C10orf143: variants seen among roughly 807,000 people sequenced by gnomAD.
The protein encoded by C10orf143 is uncharacterized protein C10orf143.
downstream of C10orf143, among the ~76,000 whole-genome samples, chr10:130,062,028 G>A (rs936056077): frequency 7.9e-5 from 12 of 152,188 alleles, no homozygotes; most frequent in Non-Finnish European, 1.3e-4. Context: ...ACAAGGCCAC[G>A]GGCAGGACCT....
At chr10:130,105,219 C>A (rs772335080) in intron 1 of C10orf143, among the ~76,000 whole-genome samples, 1 of 152,192 alleles carries the variant, frequency 6.6e-6, no homozygotes, top group Non-Finnish European at 1.5e-5. Context: ...TGAGCCACTG[C>A]GCCCGGCCTG....
intron 1 of C10orf143, among the ~76,000 whole-genome samples, chr10:130,102,257 A>C (rs1312252082): frequency 6.8e-6 from 1 of 147,338 alleles, no homozygotes. Context: ...AATTCCAAGT[A>C]AGTCAGGCGG....
At chr10:130,108,452 T>C (rs1221638905) in intron 1 of C10orf143, 1 of 794,048 alleles carries the variant, frequency 1.3e-6, no homozygotes, top group East Asian at 2.4e-5. Flanking sequence ...GCAAGATACC[T>C]GGCAATATTT....
At chr10:130,079,967 T>C (rs1861180482) in intron 1 of C10orf143, 66 bp from the exon 2 acceptor site, 1 of 398,292 alleles carries the variant, frequency 2.5e-6, no homozygotes, top group African/African-American at 2.1e-5. Flanking sequence ...TTGAATTTGC[T>C]TTCAGAAAAC....
At chr10:130,076,212 G>A (rs1299899572) in intron 3 of C10orf143, among the ~76,000 whole-genome samples, 4 of 152,146 alleles carry the variant, frequency 2.6e-5, no homozygotes, top group Non-Finnish European at 5.9e-5. Context: ...GGAGGAGGAG[G>A]TGGACCTCGC....
intron 3 of C10orf143, among the ~76,000 whole-genome samples, chr10:130,049,150 C>T (rs1256858978): frequency 6.6e-6 from 1 of 152,232 alleles, no homozygotes; most frequent in Non-Finnish European, 1.5e-5. Flanking sequence ...TGCCAGCCCA[C>T]TGCCCGGGCT....
At position 130,087,797 on chromosome 10, in the gene C10orf143, A is replaced by G. The variant is rs76709136; in HGVS notation, c.70-7896T>C. Among the ~76,000 whole-genome samples, 651 of 152,348 alleles carry G rather than the reference A, an allele frequency of 4.3e-3. 4 individuals are homozygous for G. Among genetic ancestry groups the G allele is most frequent in the African/African-American group, 0.015 (624 of 41,584 alleles). ...CCCAAAGCCCCTAGAAACACACAGCAGAGCCAGAGAACACGGAGCAGGGTG... is the reference window on the plus strand; with the variant it reads ...CCCAAAGCCCCTAGAAACACACAGCGGAGCCAGAGAACACGGAGCAGGGTG... On this transcript the variant is annotated intron_variant, in intron 1 of 3. Transcript: ENST00000637128.
Position 130,110,216 on chromosome 10 carries a change from G to GTC in C10orf143, c.69+487_69+488insGA, listed in dbSNP as rs1325448968. On this transcript the variant is annotated intron_variant, in intron 1 of 3. Transcript: ENST00000637128. Reference sequence around the variant, plus strand: ...TCAGTTAATGGACTCAGCCCAAGAAGCACTAACACGCTCAATGCCGGGTAA... The same window carrying GTC: ...TCAGTTAATGGACTCAGCCCAAGAAGTCCACTAACACGCTCAATGCCGGGTAA... Among the ~76,000 whole-genome samples the GTC allele has an allele frequency of 4.6e-5, 7 of 152,298 alleles. No individual in the cohort carries two copies. In the South Asian group the frequency reaches 1.2e-3, roughly 27 times the overall value.
intron 3 of C10orf143, among the ~76,000 whole-genome samples, chr10:130,069,088 A>C (rs1314709947): frequency 6.6e-6 from 1 of 152,228 alleles, no homozygotes; most frequent in Non-Finnish European, 1.5e-5. Context: ...AAAGGGATCC[A>C]CACCTAAACA....
At chr10:130,080,050 T>C (rs1259429701) in intron 1 of C10orf143, 149 bp from the exon 2 acceptor site, 7 of 397,342 alleles carry the variant, frequency 1.8e-5, no homozygotes, top group Non-Finnish European at 2.7e-5. Context: ...CTTTAAACTT[T>C]ATCTTTTCAG....
chr10:130,097,573 C>A (rs1205804770), intron 1 of C10orf143, among the ~76,000 whole-genome samples: 3 of 152,126 alleles, frequency 2.0e-5, no homozygotes, highest in Non-Finnish European at 2.9e-5. Context: ...CCATAGAAAC[C>A]AGCAATTCCA....
intron 1 of C10orf143, among the ~76,000 whole-genome samples, chr10:130,083,421 C>T (rs187743126): frequency 1.3e-3 from 196 of 152,274 alleles, no homozygotes; most frequent in Non-Finnish European, 2.1e-3. Flanking sequence ...AAAACATACA[C>T]CTCCAACGAT....
intron 1 of C10orf143, chr10:130,106,931 G>A: frequency 1.0e-6 from 1 of 1,002,204 alleles, no homozygotes; most frequent in Non-Finnish European, 1.6e-6. Context: ...AGTGAACAGT[G>A]AATCAGAAGA....
intron 1 of C10orf143, among the ~76,000 whole-genome samples, chr10:130,109,402 G>T (rs1861720865): frequency 6.6e-6 from 1 of 151,998 alleles, no homozygotes; most frequent in Admixed American, 6.6e-5. Context: ...CCTGATCTGG[G>T]TACCACCAGC....
In C10orf143 at chr10:130,108,007, T is replaced by C. The variant is rs779709471; in HGVS notation, c.69+2697A>G. Reference sequence around the variant, plus strand: ...TGGATAAAATGGATGGGTCAATGCCTTCAGAAATGGAATCCAGTAGAAATG... The same window carrying C: ...TGGATAAAATGGATGGGTCAATGCCCTCAGAAATGGAATCCAGTAGAAATG... On this transcript the variant is annotated intron_variant, in intron 1 of 3. Transcript: ENST00000637128. 29 of 1,526,294 alleles carry C rather than the reference T, an allele frequency of 1.9e-5. No individual in the cohort carries two copies. The African/African-American group carries it at 3.5e-4, about 19-fold the overall frequency. 94.5% of individuals were successfully genotyped at this position (1,526,294 alleles called of 1,614,324 possible). A position where few individuals can be genotyped will look rare whatever the true frequency, so the allele number is the denominator to read the frequency against.
rs148747114 is a variant in C10orf143 at position 130,098,770 on chromosome 10, T to C, written c.69+11934A>G. Among the ~76,000 whole-genome samples the C allele has an allele frequency of 3.5e-3, 535 of 152,164 alleles. 4 individuals carry two copies. Among genetic ancestry groups the C allele is most frequent in the African/African-American group, 0.012 (508 of 41,498 alleles). ...AACCTCATTGTGACTTTCTGTGTCATATATAAAGAAACCTGCCAAAAATCA... is the reference window on the plus strand; with the variant it reads ...AACCTCATTGTGACTTTCTGTGTCACATATAAAGAAACCTGCCAAAAATCA... On this transcript the variant is annotated intron_variant, in intron 1 of 3. Transcript: ENST00000637128.
At chr10:130,081,336 C>T (rs773490505) in intron 1 of C10orf143, among the ~76,000 whole-genome samples, 1 of 151,994 alleles carries the variant, frequency 6.6e-6, no homozygotes, top group Non-Finnish European at 1.5e-5. Flanking sequence ...ACAAAGACTA[C>T]AGGAGATGTG....
chr10:130,076,209 G>T (rs1439000571), intron 3 of C10orf143, among the ~76,000 whole-genome samples: 1 of 152,156 alleles, frequency 6.6e-6, no homozygotes, highest in Non-Finnish European at 1.5e-5. Flanking sequence ...AAGGGAGGAG[G>T]AGGTGGACCT....
At chr10:130,085,594 T>G (rs1174335038) in intron 1 of C10orf143, among the ~76,000 whole-genome samples, 1 of 152,056 alleles carries the variant, frequency 6.6e-6, no homozygotes, top group Admixed American at 6.6e-5. Context: ...AAAAAGGATA[T>G]TAGAGGAAAA....
Sources: allele counts gnomAD v4.1 joint callset (sites outside exome capture counted in the v4.1 genomes callset), GRCh38; gene constraint gnomAD v4.1.1; transcripts MANE v1.5; gene names NCBI Gene and HGNC (gene_info 2026-07-23, HGNC 2026-07-21).